Variants in PCDH15 observed in about 807,000 individuals in gnomAD.
PCDH15 encodes the protein protocadherin related 15, also known as protocadherin-15.
A neutral mutation model predicts 178.5 loss-of-function variants in PCDH15; 129 were observed. That is an observed-to-expected ratio of 0.72 (90% CI 0.63 to 0.84). The LOEUF (loss-of-function observed/expected upper bound fraction) is 0.84. Among genes scored for constraint, PCDH15 ranks in the 40% least tolerant of loss-of-function variants. The pLI, the probability that PCDH15 is intolerant of heterozygous loss-of-function variation, is 0.00. For missense variants in PCDH15, 2,230 were observed against 2,099.9 expected, an observed-to-expected ratio of 1.06 and a Z score of -1.21; for synonymous variants, 800 against 732.0, an observed-to-expected ratio of 1.09 and a Z score of -1.50.
chr10:55,062,801 G>C (rs144876739), intron 2 of PCDH15, among the ~76,000 whole-genome samples: 25 of 152,190 alleles, frequency 1.6e-4, no homozygotes, highest in Non-Finnish European at 3.2e-4. Context: ...TCTAGTGGAG[G>C]ATATTGGTAA....
At position 55,017,307 on chromosome 10, in the gene PCDH15, T is replaced by A. The variant is rs561402859; in HGVS notation, c.-79-119807A>T. ...TTCTACTTTCTCCCATAACTCTATT[T>A]CCCCTCTTGCTGTTCTAATATAGTT... is the stretch of plus-strand genomic sequence containing the variant. On this transcript the variant is annotated intron_variant, in intron 2 of 5. Coordinates refer to the PCDH15 transcript ENST00000458638. Among the ~76,000 whole-genome samples, 25 of 152,180 alleles carry A rather than the reference T, an allele frequency of 1.6e-4. No homozygotes were observed. The South Asian group carries it at 5.2e-3, about 32-fold the overall frequency.
At chr10:54,587,391 C>A (rs776861635) in intron 2 of PCDH15, among the ~76,000 whole-genome samples, 1 of 152,154 alleles carries the variant, frequency 6.6e-6, no homozygotes, top group Non-Finnish European at 1.5e-5. Flanking sequence ...ATTGACACTG[C>A]TGCCATCTGA....
chr10:54,913,006 A>C lies in PCDH15; in HGVS notation c.-79-15506T>G, dbSNP rs138326035. Among the ~76,000 whole-genome samples, 396 of 152,282 alleles carry C rather than the reference A, an allele frequency of 2.6e-3. 3 individuals carry two copies. Among genetic ancestry groups the C allele is most frequent in the African/African-American group, 9.3e-3 (385 of 41,566 alleles). ...TACACTCATCTGCATAAACAAAGAA[A>C]TGACCTGAAATTGGAACTTATATGT... On this transcript the variant is annotated intron_variant, in intron 2 of 5. Coordinates refer to the PCDH15 transcript ENST00000458638.
At chr10:54,066,705 C>T (rs376653045) in intron 18 of PCDH15, 52 bp downstream of exon 18, 224 of 1,566,422 alleles carry the variant, frequency 1.4e-4, no homozygotes, top group Middle Eastern at 6.7e-4. Context: ...ATGTAATAAA[C>T]TTACACTCTT....
intron 1 of PCDH15, among the ~76,000 whole-genome samples, chr10:55,313,262 T>C (rs1013157940): frequency 3.3e-5 from 5 of 152,180 alleles, no homozygotes; most frequent in African/African-American, 1.2e-4. Flanking sequence ...TCACTAATTA[T>C]AAATATTATA....
intron 2 of PCDH15, among the ~76,000 whole-genome samples, chr10:55,347,795 A>G (rs1232368785): frequency 2.6e-5 from 4 of 152,232 alleles, no homozygotes; most frequent in Non-Finnish European, 2.9e-5. Flanking sequence ...GGTCAACTAG[A>G]GAGCTGCCTG....
chr10:55,172,879 A>C (rs1024338772), intron 1 of PCDH15, among the ~76,000 whole-genome samples: 9 of 151,940 alleles, frequency 5.9e-5, no homozygotes, highest in Non-Finnish European at 1.0e-4. Context: ...TATTAGAAAA[A>C]GGGCACCATC....
chr10:54,449,326 G>A (rs1165824684), intron 3 of PCDH15, among the ~76,000 whole-genome samples: 1 of 151,688 alleles, frequency 6.6e-6, no homozygotes, highest in Non-Finnish European at 1.5e-5. Context: ...CTAGGGGCAG[G>A]GGTGGTGTAG....
At chr10:54,890,524 G>A (rs1254436736) in intron 3 of PCDH15, among the ~76,000 whole-genome samples, 2 of 151,996 alleles carry the variant, frequency 1.3e-5, no homozygotes, top group Admixed American at 6.6e-5. Flanking sequence ...GTTATTATGA[G>A]AATGGGGAAA....
intron 2 of PCDH15, among the ~76,000 whole-genome samples, chr10:54,548,100 C>CA (rs374163458): frequency 0.17 from 14,489 of 83,182 alleles, 843 homozygotes; most frequent in Middle Eastern, 0.3. Context: ...GACTCTGTCT[C>CA]AAAAAAAAAA....
At chr10:54,094,093 T>G (rs2136090554) in intron 15 of PCDH15, among the ~76,000 whole-genome samples, 1 of 152,270 alleles carries the variant, frequency 6.6e-6, no homozygotes, top group South Asian at 2.1e-4. Context: ...AGCTATACTA[T>G]CTCTTCTCAG....
chr10:54,074,038 TTGTC>T (rs2135894458), intron 17 of PCDH15, among the ~76,000 whole-genome samples: 1 of 152,232 alleles, frequency 6.6e-6, no homozygotes, highest in East Asian at 1.9e-4. Flanking sequence ...TCTTTATACT[TTGTC>T]TGGTATAGAG....
chr10:54,683,514 A>G (rs1405128360), intron 1 of PCDH15, among the ~76,000 whole-genome samples: 1 of 152,170 alleles, frequency 6.6e-6, no homozygotes, highest in Non-Finnish European at 1.5e-5. Context: ...AGATGGAACT[A>G]CAATTATTGA....
At chr10:54,309,747 G>A (rs1475809914) in intron 8 of PCDH15, among the ~76,000 whole-genome samples, 1 of 151,790 alleles carries the variant, frequency 6.6e-6, no homozygotes, top group Non-Finnish European at 1.5e-5. Context: ...AGTGAGCCAA[G>A]ATTGTGTCAC....
At chr10:55,234,012 T>C (rs1841303198) in intron 1 of PCDH15, among the ~76,000 whole-genome samples, 1 of 152,116 alleles carries the variant, frequency 6.6e-6, no homozygotes, top group African/African-American at 2.4e-5. Flanking sequence ...CTGAAGGCTA[T>C]GTTGATAGCT....
intron 8 of PCDH15, among the ~76,000 whole-genome samples, chr10:54,258,044 A>T (rs1380994465): frequency 6.6e-6 from 1 of 152,116 alleles, no homozygotes; most frequent in African/African-American, 2.4e-5. Context: ...CATGTAAAAG[A>T]TAATTAATTG....
intron 1 of PCDH15, among the ~76,000 whole-genome samples, chr10:55,196,720 C>A (rs982525464): frequency 2.0e-5 from 3 of 151,880 alleles, no homozygotes; most frequent in Admixed American, 6.5e-5. Context: ...ACATTTAGTC[C>A]TTAAGAAAAA....
intron 20 of PCDH15, among the ~76,000 whole-genome samples, chr10:54,018,579 C>G (rs899779881): frequency 3.3e-5 from 5 of 152,070 alleles, no homozygotes; most frequent in African/African-American, 1.2e-4. Context: ...GAGTTATCTG[C>G]ATGATCTCCA....
chr10:55,197,889 T>C (rs1430494423), intron 1 of PCDH15, among the ~76,000 whole-genome samples: 1 of 152,122 alleles, frequency 6.6e-6, no homozygotes, highest in Non-Finnish European at 1.5e-5. Flanking sequence ...TTCTTTAAAA[T>C]GGATGGATAT....
Sources: gnomAD v4.1 joint callset for allele counts (sites outside exome capture counted in the v4.1 genomes callset) on GRCh38, gnomAD v4.1.1 for gene constraint, MANE v1.5 for transcripts, NCBI Gene and HGNC (gene_info 2026-07-23, HGNC 2026-07-21) for gene names.